Variants in PTPRK observed in about 807,000 individuals in gnomAD.
PTPRK encodes protein tyrosine phosphatase receptor type K, also known as receptor-type tyrosine-protein phosphatase kappa.
In PTPRK, 75 loss-of-function variants were observed where a neutral mutation model predicts 178.0. That is an observed-to-expected ratio of 0.42 (90% CI 0.35 to 0.51). The LOEUF (loss-of-function observed/expected upper bound fraction) is 0.51. PTPRK is among the 20% of genes least tolerant of loss of function. The probability of loss-of-function intolerance (pLI) is 0.02; values close to 1 mark genes in which losing one functional copy is unlikely to be tolerated. For missense variants in PTPRK, 1,441 were observed against 1,797.8 expected (o/e 0.80, Z 3.59); for synonymous variants, 637 against 620.6 (o/e 1.03, Z -0.39).
At chr6:128,087,768 G>T (rs900280399) in intron 8 of PTPRK, among the ~76,000 whole-genome samples, 1 of 151,974 alleles carries the variant, frequency 6.6e-6, no homozygotes, top group African/African-American at 2.4e-5. Flanking sequence ...GAAATTTTAG[G>T]AACATGAGTA....
At chr6:128,005,291 A>C (rs1183349059) in intron 14 of PTPRK, 47 bp from the exon 15 acceptor site, 1 of 1,594,298 alleles carries the variant, frequency 6.3e-7, no homozygotes, top group Non-Finnish European at 8.6e-7. Context: ...TGAGGCTTGC[A>C]GGAGAGTTAA....
chr6:128,441,630 G>T (rs1846296019), intron 1 of PTPRK, among the ~76,000 whole-genome samples: 1 of 152,124 alleles, frequency 6.6e-6, no homozygotes, highest in Non-Finnish European at 1.5e-5. Flanking sequence ...ACATAAGCTT[G>T]GGAGTCAGAT....
At chr6:128,293,299 G>T (rs917670993) in intron 3 of PTPRK, among the ~76,000 whole-genome samples, 2 of 152,008 alleles carry the variant, frequency 1.3e-5, no homozygotes, top group Admixed American at 1.3e-4. Context: ...TCTGGTGAAG[G>T]CTGCTCTCTG....
At chr6:128,464,380 G>A (rs1051853554) in intron 1 of PTPRK, among the ~76,000 whole-genome samples, 1 of 151,642 alleles carries the variant, frequency 6.6e-6, no homozygotes, top group Non-Finnish European at 1.5e-5. Flanking sequence ...GGACTTTTGA[G>A]TAAGAAAAGA....
chr6:128,263,104 C>T (rs1043776374), intron 3 of PTPRK, among the ~76,000 whole-genome samples: 12 of 151,962 alleles, frequency 7.9e-5, no homozygotes, highest in African/African-American at 2.7e-4. Flanking sequence ...AGGAACGCTC[C>T]CTGGGCCAAA....
chr6:128,062,686 T>G (rs1313791538), intron 13 of PTPRK: 3 of 162,616 alleles, frequency 1.8e-5, no homozygotes, highest in Non-Finnish European at 4.4e-5. Flanking sequence ...ATATATATTT[T>G]ATTTTATTAT....
intron 2 of PTPRK, among the ~76,000 whole-genome samples, chr6:128,340,035 G>C (rs971436819): frequency 6.6e-6 from 1 of 152,232 alleles, no homozygotes. Context: ...GTAAAAGAGA[G>C]TGGTGGTGAA....
intron 7 of PTPRK, among the ~76,000 whole-genome samples, chr6:128,180,274 T>TG (rs1428206910): frequency 6.6e-6 from 1 of 151,762 alleles, no homozygotes; most frequent in Non-Finnish European, 1.5e-5. Flanking sequence ...CTATACCAGA[T>TG]GGTATACCCA....
intron 3 of PTPRK, among the ~76,000 whole-genome samples, chr6:128,250,270 T>C (rs956518651): frequency 2.0e-5 from 3 of 152,224 alleles, no homozygotes; most frequent in Non-Finnish European, 1.5e-5. Context: ...ATATCTTCTC[T>C]TTTAGAGAAT....
In PTPRK at chr6:128,224,387, T is replaced by C. The variant is rs570645944; in HGVS notation, c.694-5291A>G. ...AGTCAGCTTCATCATGCACAGTGCA[T>C]GCAGTATTCATTTGACAAGTTTCAT... On this transcript the variant is annotated intron_variant, in intron 5 of 29. Transcript: ENST00000368226. Among the ~76,000 whole-genome samples, 3 of 152,306 alleles carry C rather than the reference T, an allele frequency of 2.0e-5. No individual in the cohort carries two copies. The South Asian group carries it at 6.2e-4, about 32-fold the overall frequency.
chr6:128,430,290 G>C (rs1211377599), intron 1 of PTPRK, among the ~76,000 whole-genome samples: 1 of 152,228 alleles, frequency 6.6e-6, no homozygotes, highest in African/African-American at 2.4e-5. Flanking sequence ...TTCCTCGACT[G>C]TAAATAGAAA....
chr6:127,977,725 C>T (rs934859264), intron 25 of PTPRK, among the ~76,000 whole-genome samples: 1 of 152,158 alleles, frequency 6.6e-6, no homozygotes, highest in Non-Finnish European at 1.5e-5. Flanking sequence ...CAAAGCATAA[C>T]AGCAATATAT....
At chr6:128,358,526 C>T (rs183313937) in intron 2 of PTPRK, among the ~76,000 whole-genome samples, 2 of 152,286 alleles carry the variant, frequency 1.3e-5, no homozygotes, top group African/African-American at 4.8e-5. Context: ...AGAAGAAAAA[C>T]GTGAAAAGAA....
At chr6:128,116,313 T>A (rs1195220506) in intron 7 of PTPRK, among the ~76,000 whole-genome samples, 2 of 152,180 alleles carry the variant, frequency 1.3e-5, no homozygotes, top group East Asian at 3.8e-4. Flanking sequence ...CTATACTTAA[T>A]ATTTGAAATG....
intron 15 of PTPRK, among the ~76,000 whole-genome samples, chr6:128,000,710 G>T (rs1777733846): frequency 6.6e-6 from 1 of 152,034 alleles, no homozygotes; most frequent in African/African-American, 2.4e-5. Context: ...AGAAGCAATT[G>T]ATTTGGGCAC....
chr6:128,149,010 G>A (rs1796886188), intron 7 of PTPRK, among the ~76,000 whole-genome samples: 2 of 151,896 alleles, frequency 1.3e-5, no homozygotes, highest in Admixed American at 6.6e-5. Flanking sequence ...ATTCATTGAC[G>A]ATATCTTACA....
intron 8 of PTPRK, among the ~76,000 whole-genome samples, chr6:128,089,457 T>A (rs1192064127): frequency 6.6e-6 from 1 of 152,202 alleles, no homozygotes; most frequent in East Asian, 1.9e-4. Context: ...AGTTGCCACT[T>A]CTGTGTAAGA....
At chr6:128,038,249 T>C (rs1776555729) in intron 13 of PTPRK, among the ~76,000 whole-genome samples, 1 of 152,202 alleles carries the variant, frequency 6.6e-6, no homozygotes, top group Admixed American at 6.6e-5. Flanking sequence ...ACACATTTTT[T>C]ATGATTGTGA....
chr6:128,082,317 C>T lies in PTPRK; in HGVS notation c.1777+120G>A, dbSNP rs975408365. 20 of 892,644 alleles carry T rather than the reference C, an allele frequency of 2.2e-5. No homozygotes were observed. In the African/African-American group the frequency reaches 3.3e-4, roughly 15 times the overall value. The allele number at this position is 892,644 out of a possible 1,614,324, so 55.3% of individuals were successfully genotyped here. A position where few individuals can be genotyped will look rare whatever the true frequency, so the allele number is the denominator to read the frequency against. On this transcript the variant is annotated intron_variant, in intron 10 of 29. Coordinates refer to ENST00000368226, the MANE Select transcript of PTPRK (RefSeq NM_002844.4). Reference sequence around the variant, plus strand: ...TTAAAGTGCTTTCATTTATGCATAACTATATTAAAGGTTCAACAAGCAAGA... The same window carrying T: ...TTAAAGTGCTTTCATTTATGCATAATTATATTAAAGGTTCAACAAGCAAGA...
Sources: gnomAD v4.1 joint callset for allele counts (sites outside exome capture counted in the v4.1 genomes callset) on GRCh38, gnomAD v4.1.1 for gene constraint, MANE v1.5 for transcripts, NCBI Gene and HGNC (gene_info 2026-07-23, HGNC 2026-07-21) for gene names.